Variants in GRIN3B observed in about 807,000 individuals in gnomAD.
GRIN3B encodes the protein glutamate ionotropic receptor NMDA type subunit 3B, also known as glutamate receptor ionotropic, NMDA 3B.
In GRIN3B, 77 loss-of-function variants were observed where a neutral mutation model predicts 66.0. That is an observed-to-expected ratio of 1.17 (90% CI 0.97 to 1.41). The LOEUF (loss-of-function observed/expected upper bound fraction) is 1.41, where lower values mean the gene tolerates loss of function less well. Among genes scored for constraint, GRIN3B ranks in the 40% most tolerant of loss-of-function variants. GRIN3B has a pLI of 0.00. For missense variants in GRIN3B, 1,787 were observed against 1,564.5 expected (o/e 1.14, Z -2.40); for synonymous variants, 823 against 749.7 (o/e 1.10, Z -1.60).
chr19:1,001,073 G>A (rs2038680258), intron 1 of GRIN3B, among the ~76,000 whole-genome samples: 5 of 152,094 alleles, frequency 3.3e-5, no homozygotes, highest in Admixed American at 3.3e-4. Context: ...AGAGACCCAG[G>A]GGCAGGGACC....
Position 1,007,119 on chromosome 19 carries a change from G to A in GRIN3B, c.2053-509G>A, listed in dbSNP as rs1435227883. On this transcript the variant is annotated intron_variant, in intron 3 of 8. Transcript: ENST00000234389. The surrounding 1 kb of genome is among the most constrained non-coding windows in gnomAD (Gnocchi z 4.4). ...GGGCCCCAACCTGGGTAGGAGCTGT[G>A]GAGGGGTGAGCAGTGGGCAGTTCCC... 2.6e-5 allele frequency among the ~76,000 whole-genome samples: 4 copies of A among 152,190 alleles called. No individual in the cohort carries two copies. Among genetic ancestry groups the A allele is most frequent in the Admixed American group, 6.5e-5 (1 of 15,280 alleles).
In GRIN3B at chr19:1,005,646, G is replaced by A. The variant is rs945997935; in HGVS notation, c.2052+93G>A. 52 of 979,672 alleles carry A rather than the reference G, an allele frequency of 5.3e-5. No homozygotes were observed. Among genetic ancestry groups the A allele is most frequent in the Non-Finnish European group, 7.1e-5 (48 of 675,524 alleles). 60.7% of individuals were successfully genotyped at this position (979,672 alleles called of 1,614,324 possible). On this transcript the variant is annotated intron_variant, in intron 3 of 8. Transcript: ENST00000234389. This position sits in a 1 kb window ranked among gnomAD's most constrained non-coding sequence, Gnocchi z 5.2. ...GGGCAGGGGTGGTCAGCTGGACGTG[G>A]AGGACGTCCACTAGGCCAACTCTGG...
rs1185360662 is a variant in GRIN3B, at chr19:1,007,540, G to T, written c.2053-88G>T. On this transcript the variant is annotated intron_variant, in intron 3 of 8. Transcript: ENST00000234389. This position sits in a 1 kb window ranked among gnomAD's most constrained non-coding sequence, Gnocchi z 4.4. The stretch of plus-strand genomic sequence containing the variant: ...AGCCTCGGCGCCCTGCAGTGCCCAG[G>T]ACGGCCCCACCCCGGAGAACGGCGC... 7.5e-7 allele frequency: 1 copy of T among 1,340,494 alleles called. No individual in the cohort carries two copies. The highest frequency in any genetic ancestry group is 9.6e-7 in the Non-Finnish European group (1 of 1,045,998). The allele number at this position is 1,340,494 out of a possible 1,614,324, so 83.0% of individuals were successfully genotyped here.
chr19:1,009,440 C>G lies in GRIN3B; in HGVS notation c.2970C>G (p.Ile990Met), dbSNP rs775690196. Residue 990 changes from isoleucine (I) to methionine (M), a missense_variant, in exon 9 of 9, where the codon ATC (isoleucine) becomes ATG (methionine). Coordinates refer to ENST00000234389, the MANE Select transcript of GRIN3B (RefSeq NM_138690.3). ...AGCTGCAGGAGCTGGAGCGCCGCATCGAAGTCGCGCGTGAGCGGCTCCGCC... is the reference window on the plus strand; with the variant it reads ...AGCTGCAGGAGCTGGAGCGCCGCATGGAAGTCGCGCGTGAGCGGCTCCGCC... ...PGELQELERR[I>M]EVARERLRQA... is the part of the protein sequence containing the mutation. 6.8e-7 allele frequency: 1 copy of G among 1,462,514 alleles called. No individual in the cohort carries two copies. The highest frequency in any genetic ancestry group is 9.0e-7 in the Non-Finnish European group (1 of 1,113,628). The allele number at this position is 1,462,514 out of a possible 1,614,324, so 90.6% of individuals were successfully genotyped here. A position where few individuals can be genotyped will look rare whatever the true frequency, so the allele number is the denominator to read the frequency against.
Position 1,008,620 on chromosome 19 carries a change from C to T in GRIN3B, c.2469C>T (p.Thr823=). 4 of 1,597,336 alleles carry T rather than the reference C, an allele frequency of 2.5e-6. No individual in the cohort carries two copies. Among genetic ancestry groups the T allele is most frequent in the Non-Finnish European group, 3.4e-6 (4 of 1,177,720 alleles). Residue 823 remains threonine, a splice_region_variant and synonymous_variant, in exon 7 of 9, where the codon ACC becomes ACT. Transcript: ENST00000234389. ...GGCTCCTGCTGTGTTGCCCCCAGAC[C>T]CTGCAGATGAGCATCTACCACTTCG... ...CGKRVFAVTE[T]LQMSIYHFAG... is the part of the protein sequence containing the mutation.
At position 1,007,625 on chromosome 19, in the gene GRIN3B, C is replaced by G; in HGVS notation, c.2053-3C>G. 6.7e-7 allele frequency: 1 copy of G among 1,500,616 alleles called. No homozygotes were observed. Among genetic ancestry groups the G allele is most frequent in the Non-Finnish European group, 8.9e-7 (1 of 1,128,354 alleles). 93.0% of individuals were successfully genotyped at this position (1,500,616 alleles called of 1,614,324 possible). On this transcript the variant is annotated splice_region_variant and splice_polypyrimidine_tract_variant and intron_variant, in intron 3 of 8. Coordinates refer to ENST00000234389, the MANE Select transcript of GRIN3B (RefSeq NM_138690.3). This position sits in a 1 kb window ranked among gnomAD's most constrained non-coding sequence, Gnocchi z 4.4. Reference sequence around the variant, plus strand: ...AGAGGCGCTGACGGGGTCCCCCGCGCAGCTGCACCACCCGGCGCAGGGCTT... The same window carrying G: ...AGAGGCGCTGACGGGGTCCCCCGCGGAGCTGCACCACCCGGCGCAGGGCTT...
chr19:1,009,382 C>A lies in GRIN3B; in HGVS notation c.2912C>A (p.Ala971Asp). The change falls in exon 9 of 9, where the codon GCC becomes GAC. Residue 971 changes from alanine to aspartate, a missense_variant. Physicochemically the swap from Ala to Asp is moderately radical, Grantham distance 126. Coordinates refer to ENST00000234389, the MANE Select transcript of GRIN3B (RefSeq NM_138690.3). ...CTGTGCTCCTACGGCCGCCCGCCCG[C>A]CGCAAGGCCCACGGGGGCCCCCCAG... The part of the protein sequence containing the change: ...VWLCSYGRPP[A>D]ARPTGAPQPG... 1.4e-6 allele frequency: 2 copies of A among 1,386,150 alleles called. No homozygotes were observed. The highest frequency in any genetic ancestry group is 9.3e-7 in the Non-Finnish European group (1 of 1,077,776). The allele number at this position is 1,386,150 out of a possible 1,614,324, so 85.9% of individuals were successfully genotyped here. A position where few individuals can be genotyped will look rare whatever the true frequency, so the allele number is the denominator to read the frequency against.
rs1426276617 is a variant in GRIN3B at position 1,000,752 on chromosome 19, CT to C, written c.318del (p.Glu108ArgfsTer98). 6.9e-7 allele frequency: 1 copy of C among 1,446,834 alleles called. No individual in the cohort carries two copies. The allele number at this position is 1,446,834 out of a possible 1,614,324, so 89.6% of individuals were successfully genotyped here. On this transcript the variant is annotated frameshift_variant, in exon 1 of 9. Coordinates refer to ENST00000234389, the MANE Select transcript of GRIN3B (RefSeq NM_138690.3). LOFTEE classifies it high-confidence loss of function. ...CTCCGGGCGTGGCGGCCCTGCTCGC[CT>C]TTCCCGAGGCTCGGCCCGAGCTGCT... Reference protein sequence around the residue: ...VPPGVAALLAFPEARPELLQL... With the variant: ...VPPGVAALLAXPEARPELLQL...
Position 1,008,162 on chromosome 19 carries a change from G to A in GRIN3B, c.2337G>A (p.Gln779=). 5 of 1,601,646 alleles carry A rather than the reference G, an allele frequency of 3.1e-6. No individual in the cohort carries two copies. The highest frequency in any genetic ancestry group is 3.4e-6 in the Non-Finnish European group (4 of 1,174,874). The change falls in exon 6 of 9, where the codon CAG becomes CAA. Residue 779 remains glutamine (Q), a synonymous_variant. Coordinates refer to ENST00000234389, the MANE Select transcript of GRIN3B (RefSeq NM_138690.3). ...CAGGCTATGGGATCGGACTGCCCCAGAACTCGCCGCTCACCTCCAACCTGT... is the reference window on the plus strand; with the variant it reads ...CAGGCTATGGGATCGGACTGCCCCAAAACTCGCCGCTCACCTCCAACCTGT... The part of the protein sequence containing the change: ...AIEGYGIGLP[Q]NSPLTSNLSE...
In GRIN3B at chr19:1,003,333, G is replaced by A. The variant is rs374548254; in HGVS notation, c.630G>A (p.Thr210=). 1.2e-5 allele frequency: 19 copies of A among 1,576,928 alleles called. No individual in the cohort carries two copies. The highest frequency in any genetic ancestry group is 7.2e-5 in the Admixed American group (4 of 55,780). Residue 210 remains threonine (T), a synonymous_variant, in exon 2 of 9, where the codon ACG becomes ACA. Coordinates refer to ENST00000234389, the MANE Select transcript of GRIN3B (RefSeq NM_138690.3). ...QLVLDLSRRD[T]GDAGLRARLA... The stretch of plus-strand genomic sequence containing the variant: ...TCCTGGACCTAAGCCGGCGGGACAC[G>A]GGAGATGCAGGACTGCGGGCACGCC...
chr19:1,001,891 A>AGCGTCTTAGGGACTGGCTTGGCC (rs1197292615), intron 1 of GRIN3B: 1 of 152,266 alleles, frequency 6.6e-6, no homozygotes, highest in Non-Finnish European at 1.5e-5. Flanking sequence ...GGACCGACCT[A>AGCGTCTTAGGGACTGGCTTGGCC]GCGTCTTAGG....
intron 6 of GRIN3B, 21 bp from the exon 7 acceptor site, chr19:1,008,597 C>T (rs1227873600): frequency 6.3e-6 from 10 of 1,591,940 alleles, no homozygotes; most frequent in Non-Finnish European, 8.5e-6. Context: ...CCGTGCGGGG[C>T]TCCTGCTGTG....
rs1477177013 is a variant in GRIN3B at position 1,005,215 on chromosome 19, C to T, written c.1714C>T (p.Pro572Ser). 3.1e-6 allele frequency: 5 copies of T among 1,613,482 alleles called. No individual in the cohort carries two copies. Among genetic ancestry groups the T allele is most frequent in the African/African-American group, 1.3e-5 (1 of 75,024 alleles). The change falls in exon 3 of 9, where the codon CCC (proline) becomes TCC (serine). Residue 572 changes from proline (P) to serine (S), a missense_variant. By Grantham distance (74) the Pro-to-Ser change is moderately conservative. Transcript: ENST00000234389. The surrounding 1 kb of genome is among the most constrained non-coding windows in gnomAD (Gnocchi z 5.2). ...CTCACCCATCGGTGCCTTTATGTGG[C>T]CCCTGCACTGGTCCACGTGGCTGGG... ...TASPIGAFMW[P>S]LHWSTWLGVF...
Position 1,008,188 on chromosome 19 carries a change from C to A in GRIN3B, c.2363C>A (p.Ser788Tyr), listed in dbSNP as rs2038780766. The A allele has an allele frequency of 2.5e-6, 4 of 1,610,318 alleles. No individual in the cohort carries two copies. The East Asian group carries it at 8.9e-5, about 36-fold the overall frequency. The stretch of plus-strand genomic sequence containing the variant: ...AACTCGCCGCTCACCTCCAACCTGT[C>A]CGAGTTCATCAGCCGCTACAAGTCC... ...PQNSPLTSNL[S>Y]EFISRYKSSG... Residue 788 changes from serine (S) to tyrosine (Y), a missense_variant, in exon 6 of 9, where the codon TCC becomes TAC. Transcript: ENST00000234389.
At position 1,007,717 on chromosome 19, in the gene GRIN3B, C is replaced by T. The variant is rs200362871; in HGVS notation, c.2142C>T (p.His714=). The change falls in exon 4 of 9, where the codon CAC becomes CAT. Residue 714 remains histidine, a synonymous_variant. Coordinates refer to ENST00000234389, the MANE Select transcript of GRIN3B (RefSeq NM_138690.3). This position sits in a 1 kb window ranked among gnomAD's most constrained non-coding sequence, Gnocchi z 4.4. ...TCAAGAAGAGCTTCCCCGACATGCA[C>T]GCACACATGCGGCGCCACAGCGCGC... The part of the protein sequence containing the change: ...AYIKKSFPDM[H]AHMRRHSAPT... The T allele has an allele frequency of 7.3e-5, 112 of 1,533,870 alleles. No homozygotes were observed. In the East Asian group the frequency reaches 9.6e-4, roughly 13 times the overall value.
rs201293199 is a variant in GRIN3B, at chr19:1,004,754, G to C, written c.1253G>C (p.Arg418Pro). The C allele has an allele frequency of 2.5e-6, 4 of 1,611,258 alleles. No homozygotes were observed. The highest frequency in any genetic ancestry group is 1.1e-5 in the South Asian group (1 of 91,014). Residue 418 changes from arginine (R) to proline (P), a missense_variant, in exon 3 of 9, where the codon CGT (arginine) becomes CCT (proline). Coordinates refer to ENST00000234389, the MANE Select transcript of GRIN3B (RefSeq NM_138690.3). ...PQGAQVWPKL[R>P]VVTLLEHPFV... The stretch of plus-strand genomic sequence containing the variant: ...GGTGCCCAGGTCTGGCCCAAGCTGC[G>C]TGTGGTAACGCTGTTGGAACACCCA...
rs1264124125 is a variant in GRIN3B, at chr19:1,007,543, G to A, written c.2053-85G>A. The A allele has an allele frequency of 1.5e-6, 2 of 1,340,814 alleles. No individual in the cohort carries two copies. Among genetic ancestry groups the A allele is most frequent in the Non-Finnish European group, 1.9e-6 (2 of 1,046,466 alleles). The allele number at this position is 1,340,814 out of a possible 1,614,324, so 83.1% of individuals were successfully genotyped here. A position where few individuals can be genotyped will look rare whatever the true frequency, so the allele number is the denominator to read the frequency against. ...CTCGGCGCCCTGCAGTGCCCAGGAC[G>A]GCCCCACCCCGGAGAACGGCGCGCC... is the stretch of plus-strand genomic sequence containing the variant. On this transcript the variant is annotated intron_variant, in intron 3 of 8. Coordinates refer to ENST00000234389, the MANE Select transcript of GRIN3B (RefSeq NM_138690.3). This position sits in a 1 kb window ranked among gnomAD's most constrained non-coding sequence, Gnocchi z 4.4.
At position 1,003,141 on chromosome 19, in the gene GRIN3B, C is replaced by G; in HGVS notation, c.438C>G (p.His146Gln). The change falls in exon 2 of 9, where the codon CAC becomes CAG. Residue 146 changes from histidine (H) to glutamine (Q), a missense_variant. By Grantham distance (24) the His-to-Gln change is conservative (BLOSUM62 0). Coordinates refer to ENST00000234389, the MANE Select transcript of GRIN3B (RefSeq NM_138690.3). ...CACCCCTCTCCCAGAACCCATTCCA[C>G]CTGCAGCTGCACTGGGCCAGCCCCC... ...RAPLGAPNPF[H>Q]LQLHWASPLE... 6.9e-7 allele frequency: 1 copy of G among 1,453,236 alleles called. No individual in the cohort carries two copies. The highest frequency in any genetic ancestry group is 9.1e-7 in the Non-Finnish European group (1 of 1,104,966). 90.0% of individuals were successfully genotyped at this position (1,453,236 alleles called of 1,614,324 possible).
In GRIN3B at chr19:1,000,845, C is replaced by T; in HGVS notation, c.408C>T (p.Arg136=). 1 of 1,425,098 alleles carries T rather than the reference C, an allele frequency of 7.0e-7. No homozygotes were observed. The highest frequency in any genetic ancestry group is 9.1e-7 in the Non-Finnish European group (1 of 1,094,732). The allele number at this position is 1,425,098 out of a possible 1,614,324, so 88.3% of individuals were successfully genotyped here. A position where few individuals can be genotyped will look rare whatever the true frequency, so the allele number is the denominator to read the frequency against. ...TCAGCCTGCTGCGGCGGGAGGCGCG[C>T]GCGCCCCTCGGAGCCCCGGTACGCG... ...PVLSLLRREA[R]APLGAPNPFH... Residue 136 remains arginine, a synonymous_variant, in exon 1 of 9, where the codon CGC becomes CGT. Transcript: ENST00000234389.
Sources: gnomAD v4.1 joint callset for allele counts (sites outside exome capture counted in the v4.1 genomes callset) on GRCh38, gnomAD v4.1.1 for gene constraint, Gnocchi (gnomAD v3.1) non-coding constraint, MANE v1.5 for transcripts, NCBI Gene and HGNC (gene_info 2026-07-23, HGNC 2026-07-21) for gene names.